The following SLK variants were observed in gnomAD, a reference collection of about 807,000 sequenced individuals.
SLK encodes STE20-like serine/threonine-protein kinase.
A neutral mutation model predicts 147.7 loss-of-function variants in SLK; 67 were observed. The observed-to-expected ratio is 0.45, with a 90% CI of 0.37 to 0.56. The LOEUF (loss-of-function observed/expected upper bound fraction) is 0.56. Among genes scored for constraint, SLK ranks in the 20% least tolerant of loss-of-function variants. The pLI is 0.00. For synonymous variants in SLK, 441 were observed against 475.0 expected, an observed-to-expected ratio of 0.93 and a Z score of 0.93; for missense variants, 1,136 against 1,438.8, an observed-to-expected ratio of 0.79 and a Z score of 3.41.
intron 5 of SLK, 37 bp downstream of exon 5, chr10:103,999,008 A>G (rs747901066): frequency 1.9e-6 from 3 of 1,545,196 alleles, no homozygotes; most frequent in African/African-American, 2.7e-5. Context: ...AGTATTAGTC[A>G]TGTCAGCAGT....
chr10:103,993,377 G>C (rs1458512792), intron 4 of SLK, among the ~76,000 whole-genome samples: 1 of 151,910 alleles, frequency 6.6e-6, no homozygotes, highest in Non-Finnish European at 1.5e-5. Context: ...TTTCAAAAAG[G>C]CATGCTTTTT....
At chr10:104,014,098 C>T (rs1020461800) in intron 13 of SLK, among the ~76,000 whole-genome samples, 4 of 152,170 alleles carry the variant, frequency 2.6e-5, no homozygotes, top group Non-Finnish European at 5.9e-5. Flanking sequence ...ATAAAATACC[C>T]TCTCAATAGT....
At chr10:103,985,910 C>T (rs1292725055) in intron 1 of SLK, among the ~76,000 whole-genome samples, 1 of 152,072 alleles carries the variant, frequency 6.6e-6, no homozygotes, top group Non-Finnish European at 1.5e-5. Context: ...TTATGTTTCC[C>T]AGTATCCCTC....
chr10:103,977,257 A>C (rs1359063421), intron 1 of SLK, among the ~76,000 whole-genome samples: 1 of 152,200 alleles, frequency 6.6e-6, no homozygotes, highest in African/African-American at 2.4e-5. Flanking sequence ...TTAGAAAACA[A>C]AGGTTGAAAA....
intron 1 of SLK, among the ~76,000 whole-genome samples, chr10:103,979,987 T>C (rs979626471): frequency 1.3e-5 from 2 of 152,226 alleles, no homozygotes; most frequent in Non-Finnish European, 2.9e-5. Context: ...TGGTATTGCC[T>C]TCTACATTAG....
At position 104,003,572 on chromosome 10, in the gene SLK, C is replaced by T. The variant is rs1844285185; in HGVS notation, c.2349+45C>T. ...TGTTTGGGTTTTCCTTTGCCATTTT[C>T]TCAATTCAGAGTTTATGTGAAATTG... On this transcript the variant is annotated intron_variant, in intron 9 of 18. Coordinates refer to ENST00000369755, the MANE Select transcript of SLK (RefSeq NM_014720.4). 9 of 1,459,736 alleles carry T rather than the reference C, an allele frequency of 6.2e-6. No homozygotes were observed. In the East Asian group the frequency reaches 1.8e-4, roughly 30 times the overall value. 90.4% of individuals were successfully genotyped at this position (1,459,736 alleles called of 1,614,324 possible). A position where few individuals can be genotyped will look rare whatever the true frequency, so the allele number is the denominator to read the frequency against.
In SLK at chr10:104,018,227, A is replaced by G; in HGVS notation, c.2945A>G (p.Gln982Arg). 6.2e-7 allele frequency: 1 copy of G among 1,605,062 alleles called. No homozygotes were observed. Among genetic ancestry groups the G allele is most frequent in the South Asian group, 1.1e-5 (1 of 88,670 alleles). Residue 982 changes from glutamine (Q) to arginine (R), a missense_variant, in exon 14 of 19, where the codon CAG becomes CGG. Gln to Arg is a conservative substitution (Grantham distance 43). Transcript: ENST00000369755. ...DGSLKKIIQQ[Q>R]KAELANIERE... Reference sequence around the variant, plus strand: ...TCTCTGAAAAAGATCATCCAGCAGCAGAAGGCAGAGTTAGCTAATATTGAG... The same window carrying G: ...TCTCTGAAAAAGATCATCCAGCAGCGGAAGGCAGAGTTAGCTAATATTGAG...
At chr10:104,024,700 C>T (rs1488033562) in intron 18 of SLK, among the ~76,000 whole-genome samples, 2 of 152,156 alleles carry the variant, frequency 1.3e-5, no homozygotes, top group Admixed American at 6.5e-5. Context: ...TCTACAGCAC[C>T]ACTTATCCCT....
intron 1 of SLK, among the ~76,000 whole-genome samples, chr10:103,984,559 G>C (rs191587477): frequency 1.3e-5 from 2 of 152,032 alleles, no homozygotes; most frequent in South Asian, 2.1e-4. Flanking sequence ...GATTACAGGC[G>C]TGCACCACCA....
chr10:103,978,704 A>G (rs932145499), intron 1 of SLK, among the ~76,000 whole-genome samples: 4 of 152,218 alleles, frequency 2.6e-5, no homozygotes, highest in Non-Finnish European at 5.9e-5. Context: ...CTGTAAGGAT[A>G]TAACTACTGA....
At chr10:104,006,101 AACAG>A (rs1173520585) in intron 11 of SLK, 66 bp downstream of exon 11, 11 of 1,465,266 alleles carry the variant, frequency 7.5e-6, no homozygotes, top group Non-Finnish European at 1.0e-5. Flanking sequence ...CTGCATTAAA[AACAG>A]ACAAACAAAA....
intron 9 of SLK, among the ~76,000 whole-genome samples, chr10:104,004,270 A>T (rs1016490251): frequency 6.6e-6 from 1 of 152,180 alleles, no homozygotes; most frequent in African/African-American, 2.4e-5. Context: ...TATCTGCCCC[A>T]AATTCCTAGG....
chr10:103,999,111 C>T lies in SLK; in HGVS notation c.588-8C>T. 6.3e-7 allele frequency: 1 copy of T among 1,599,540 alleles called. No homozygotes were observed. The highest frequency in any genetic ancestry group is 8.5e-7 in the Non-Finnish European group (1 of 1,172,498). On this transcript the variant is annotated splice_polypyrimidine_tract_variant and splice_region_variant and intron_variant, in intron 5 of 18. Transcript: ENST00000369755. The stretch of plus-strand genomic sequence containing the variant: ...AACATGTTAACTTTTAATTATCTGT[C>T]TTCATAGGATGGCTCCTGAAGTAGT...
chr10:104,018,554 T>C (rs1244395971), intron 14 of SLK, among the ~76,000 whole-genome samples: 1 of 152,206 alleles, frequency 6.6e-6, no homozygotes, highest in East Asian at 1.9e-4. Context: ...AAATAGGATT[T>C]TGGTGTTCGG....
intron 12 of SLK, among the ~76,000 whole-genome samples, chr10:104,009,655 A>G (rs1466333963): frequency 1.3e-5 from 2 of 152,186 alleles, no homozygotes; most frequent in Non-Finnish European, 2.9e-5. Context: ...AAAAAATTTT[A>G]CAGATAAATA....
At chr10:103,979,076 C>T (rs868633552) in intron 1 of SLK, among the ~76,000 whole-genome samples, 2 of 152,256 alleles carry the variant, frequency 1.3e-5, no homozygotes, top group Admixed American at 6.5e-5. Context: ...AGTGCAGTGC[C>T]GCGATCTTGG....
intron 1 of SLK, among the ~76,000 whole-genome samples, chr10:103,975,698 T>A (rs2134446524): frequency 6.6e-6 from 1 of 152,322 alleles, no homozygotes; most frequent in South Asian, 2.1e-4. Context: ...TTGATCTTTT[T>A]CTTTGCTTTA....
intron 1 of SLK, among the ~76,000 whole-genome samples, chr10:103,968,476 T>C (rs1393196662): frequency 3.3e-5 from 5 of 152,250 alleles, no homozygotes; most frequent in Non-Finnish European, 7.3e-5. Context: ...GTTTTAAATA[T>C]ATTTATGGTA....
At chr10:104,005,338 T>A (rs1037490977) in intron 9 of SLK, among the ~76,000 whole-genome samples, 1 of 152,200 alleles carries the variant, frequency 6.6e-6, no homozygotes, top group Non-Finnish European at 1.5e-5. Context: ...TTGAAAAAAT[T>A]TGATTTCATC....
Sources: allele counts gnomAD v4.1 joint callset (sites outside exome capture counted in the v4.1 genomes callset), GRCh38; gene constraint gnomAD v4.1.1; transcripts MANE v1.5; gene names NCBI Gene and HGNC (gene_info 2026-07-23, HGNC 2026-07-21).